Variants in TNR observed in about 807,000 individuals in gnomAD.
The protein encoded by TNR is tenascin R, also known as tenascin-R.
Under a neutral mutation model 150.4 loss-of-function variants are expected in TNR, and 45 were observed. The observed-to-expected ratio is 0.30, with a 90% CI of 0.24 to 0.38. The LOEUF (loss-of-function observed/expected upper bound fraction) is 0.38. TNR is among the 10% of genes least tolerant of loss of function. TNR has a pLI of 1.00. For synonymous variants in TNR, 687 were observed against 678.4 expected (o/e 1.01, Z -0.20); for missense variants, 1,544 against 1,759.1 (o/e 0.88, Z 2.19).
At chr1:175,705,142 A>G (rs1038641658) in intron 1 of TNR, among the ~76,000 whole-genome samples, 1 of 151,312 alleles carries the variant, frequency 6.6e-6, no homozygotes, top group East Asian at 2.0e-4. Flanking sequence ...ACAACTTCCC[A>G]TAGCACCTGG....
chr1:175,527,991 C>A (rs1278859919), intron 2 of TNR, among the ~76,000 whole-genome samples: 2 of 152,164 alleles, frequency 1.3e-5, no homozygotes, highest in African/African-American at 4.8e-5. Context: ...AGGGACTGAG[C>A]ACAGTAACAC....
intron 18 of TNR, among the ~76,000 whole-genome samples, chr1:175,352,454 A>C (rs576015801): frequency 1.6e-4 from 24 of 152,362 alleles, no homozygotes; most frequent in Admixed American, 1.4e-3. Flanking sequence ...GGAAAGCTCC[A>C]ACCCGTGGGT....
Position 175,714,477 on chromosome 1 carries a change from C to T in TNR, c.-165+28749G>A, listed in dbSNP as rs150873638. On this transcript the variant is annotated intron_variant, in intron 1 of 22. Transcript: ENST00000367674. ...CCCTCCCTCACCCCAGCTGGCACTGCGCCCCAGAAGCGTATTGACTGGCCA... is the reference window on the plus strand; with the variant it reads ...CCCTCCCTCACCCCAGCTGGCACTGTGCCCCAGAAGCGTATTGACTGGCCA... Among the ~76,000 whole-genome samples, 372 of 152,310 alleles carry T rather than the reference C, an allele frequency of 2.4e-3. 4 individuals carry two copies. Among genetic ancestry groups the T allele is most frequent in the African/African-American group, 7.6e-3 (314 of 41,570 alleles).
chr1:175,601,759 A>G (rs1663245427), intron 1 of TNR, among the ~76,000 whole-genome samples: 1 of 152,168 alleles, frequency 6.6e-6, no homozygotes, highest in African/African-American at 2.4e-5. Flanking sequence ...AGGAGGTTGT[A>G]TTATACTATC....
chr1:175,334,828 A>G (rs1179216906), intron 20 of TNR, among the ~76,000 whole-genome samples: 1 of 151,774 alleles, frequency 6.6e-6, no homozygotes, highest in Non-Finnish European at 1.5e-5. Flanking sequence ...TGTTAATTAA[A>G]CTCTTTCTTT....
chr1:175,454,443 G>A lies in TNR; in HGVS notation c.-63-47666C>T, dbSNP rs556651637. On this transcript the variant is annotated intron_variant, in intron 2 of 22. Coordinates refer to ENST00000367674, the MANE Select transcript of TNR (RefSeq NM_003285.3). Reference sequence around the variant, plus strand: ...GCTCTGCAGTCCAGCAGAGCCCTCGGAGTATTGGTTCCATTGTGTTTTATT... The same window carrying A: ...GCTCTGCAGTCCAGCAGAGCCCTCGAAGTATTGGTTCCATTGTGTTTTATT... Among the ~76,000 whole-genome samples the A allele has an allele frequency of 6.4e-3, 969 of 152,264 alleles. 8 individuals are homozygous for A. The highest frequency in any genetic ancestry group is 0.022 in the African/African-American group (907 of 41,552).
chr1:175,640,199 G>T (rs1439788151), intron 1 of TNR, among the ~76,000 whole-genome samples: 1 of 152,192 alleles, frequency 6.6e-6, no homozygotes, highest in Non-Finnish European at 1.5e-5. Context: ...CTTCTACACA[G>T]CTTAAATTCA....
At chr1:175,591,803 G>C (rs979300298) in intron 1 of TNR, among the ~76,000 whole-genome samples, 1 of 152,214 alleles carries the variant, frequency 6.6e-6, no homozygotes, top group East Asian at 1.9e-4. Flanking sequence ...CTGGAGTTAG[G>C]TGTGGCCATG....
At chr1:175,689,148 A>G (rs2101916570) in intron 1 of TNR, among the ~76,000 whole-genome samples, 1 of 152,336 alleles carries the variant, frequency 6.6e-6, no homozygotes, top group Admixed American at 6.5e-5. Flanking sequence ...TGTGAAGCCC[A>G]GAGAGGACCA....
intron 1 of TNR, chr1:175,556,467 C>A (rs1019997731): frequency 6.6e-6 from 1 of 152,242 alleles, no homozygotes; most frequent in African/African-American, 2.4e-5. Flanking sequence ...AACTGTCTCT[C>A]TAAACTCTGT....
chr1:175,345,335 C>T (rs1035970643), intron 18 of TNR, among the ~76,000 whole-genome samples: 20 of 152,118 alleles, frequency 1.3e-4, no homozygotes, highest in African/African-American at 4.8e-4. Flanking sequence ...GACACGAGCT[C>T]ACAGGCCAGA....
intron 1 of TNR, among the ~76,000 whole-genome samples, chr1:175,622,101 A>G (rs1663996175): frequency 6.6e-6 from 1 of 152,230 alleles, no homozygotes; most frequent in Non-Finnish European, 1.5e-5. Flanking sequence ...TGTTGGGTAA[A>G]TGTTAGGTAT....
At chr1:175,337,328 A>G (rs538749133) in intron 19 of TNR, among the ~76,000 whole-genome samples, 200 bp downstream of exon 19, 2 of 152,314 alleles carry the variant, frequency 1.3e-5, no homozygotes, top group African/African-American at 4.8e-5. Flanking sequence ...AGATATAGTT[A>G]TTCCTTTCCC....
chr1:175,668,342 G>A (rs1397469487), intron 1 of TNR, among the ~76,000 whole-genome samples: 1 of 152,150 alleles, frequency 6.6e-6, no homozygotes, highest in Non-Finnish European at 1.5e-5. Context: ...CAGGGCAGTT[G>A]TTTGAAGAGA....
At chr1:175,437,930 G>T (rs1022909141) in intron 2 of TNR, among the ~76,000 whole-genome samples, 6 of 152,178 alleles carry the variant, frequency 3.9e-5, no homozygotes, top group Non-Finnish European at 8.8e-5. Context: ...TGGATGCCCA[G>T]CTGAATTCTA....
chr1:175,568,136 C>A (rs1424891789), intron 1 of TNR, among the ~76,000 whole-genome samples: 1 of 152,226 alleles, frequency 6.6e-6, no homozygotes, highest in Non-Finnish European at 1.5e-5. Flanking sequence ...GGTCCCAGAG[C>A]AAAGTCCCAC....
intron 1 of TNR, among the ~76,000 whole-genome samples, chr1:175,691,196 C>CTCTGCAGAGCAGAACAAGGTGGT (rs1666360565): frequency 6.6e-6 from 1 of 152,134 alleles, no homozygotes. Context: ...AACAAGGTGG[C>CTCTGCAGAGCAGAACAAGGTGGT]TCTGCAGAGC....
chr1:175,335,663 C>T, intron 20 of TNR, 48 bp downstream of exon 20: 1 of 1,562,660 alleles, frequency 6.4e-7, no homozygotes, highest in Non-Finnish European at 8.7e-7. Flanking sequence ...GAGAGATGGA[C>T]AAAAAGCCAG....
intron 1 of TNR, among the ~76,000 whole-genome samples, chr1:175,545,247 C>G (rs1660641267): frequency 6.6e-6 from 1 of 152,140 alleles, no homozygotes; most frequent in Non-Finnish European, 1.5e-5. Context: ...AATTAGGTGT[C>G]TCAATAGGTA....
Sources: allele counts gnomAD v4.1 joint callset (sites outside exome capture counted in the v4.1 genomes callset), GRCh38; gene constraint gnomAD v4.1.1; transcripts MANE v1.5; gene names NCBI Gene and HGNC (gene_info 2026-07-23, HGNC 2026-07-21).